The following TRIQK variants were observed in gnomAD, a reference collection of about 807,000 sequenced individuals.
TRIQK encodes the protein triple QxxK/R motif containing.
In TRIQK, 10 loss-of-function variants were observed where a neutral mutation model predicts 10.8. The observed-to-expected ratio is 0.92, with a 90% CI of 0.57 to 1.57. The LOEUF is 1.57. TRIQK is among the 40% of genes most tolerant of loss of function. The probability of loss-of-function intolerance (pLI) is 0.00; values close to 1 mark genes in which losing one functional copy is unlikely to be tolerated. For synonymous variants in TRIQK, 33 were observed against 33.7 expected (o/e 0.98, Z 0.07); for missense variants, 107 against 97.7 (o/e 1.09, Z -0.40).
chr8:92,962,889 T>C (rs951525277), intron 1 of TRIQK, among the ~76,000 whole-genome samples: 1 of 152,090 alleles, frequency 6.6e-6, no homozygotes, highest in Non-Finnish European at 1.5e-5. Context: ...GGAAAGAGAG[T>C]AGGAGTAAAA....
intron 1 of TRIQK, among the ~76,000 whole-genome samples, chr8:93,003,115 GA>G (rs1199769057): frequency 1.3e-5 from 2 of 151,984 alleles, no homozygotes; most frequent in Middle Eastern, 3.4e-3. Flanking sequence ...ACATTAAAAA[GA>G]CTATTTACTC....
chr8:92,892,982 C>T (rs895193087), intron 3 of TRIQK, among the ~76,000 whole-genome samples: 1 of 151,834 alleles, frequency 6.6e-6, no homozygotes, highest in African/African-American at 2.4e-5. Flanking sequence ...AATACATGAT[C>T]GTATAATCTC....
chr8:92,904,535 T>C (rs1423203678), intron 3 of TRIQK, among the ~76,000 whole-genome samples: 2 of 152,102 alleles, frequency 1.3e-5, no homozygotes, highest in Non-Finnish European at 1.5e-5. Context: ...TGTAGCAGAA[T>C]AATGAAGTCC....
chr8:92,889,193 A>T (rs1325126717), intron 4 of TRIQK, among the ~76,000 whole-genome samples: 1 of 151,682 alleles, frequency 6.6e-6, no homozygotes, highest in Admixed American at 6.6e-5. Context: ...CTAAACATAC[A>T]TTTACAAAAA....
intron 2 of TRIQK, among the ~76,000 whole-genome samples, chr8:92,936,679 G>A (rs1341588912): frequency 6.6e-6 from 1 of 151,476 alleles, no homozygotes; most frequent in African/African-American, 2.4e-5. Flanking sequence ...AAAGAGCATA[G>A]GGGATTGGAA....
At chr8:93,017,414 GA>G in intron 1 of TRIQK, among the ~76,000 whole-genome samples, 1 of 152,284 alleles carries the variant, frequency 6.6e-6, no homozygotes, top group East Asian at 1.9e-4. Context: ...TCTTGATATT[GA>G]AAACAGACAC....
chr8:92,932,785 T>A (rs143434472), intron 2 of TRIQK, among the ~76,000 whole-genome samples: 52 of 152,312 alleles, frequency 3.4e-4, no homozygotes, highest in African/African-American at 1.2e-3. Context: ...CATAGATATT[T>A]TTATTCAATT....
chr8:92,963,775 C>G (rs1022223494), intron 1 of TRIQK: 3 of 152,174 alleles, frequency 2.0e-5, no homozygotes, highest in Non-Finnish European at 4.4e-5. Context: ...CTCCTGTAAT[C>G]CCAGCTACTC....
intron 3 of TRIQK, among the ~76,000 whole-genome samples, chr8:92,909,616 A>G (rs1809463415): frequency 6.6e-6 from 1 of 151,828 alleles, no homozygotes; most frequent in Admixed American, 6.6e-5. Flanking sequence ...ATTTAACACC[A>G]CATTAAGTAC....
intron 2 of TRIQK, among the ~76,000 whole-genome samples, chr8:92,948,757 T>G (rs73695595): frequency 6.6e-6 from 1 of 152,228 alleles, no homozygotes; most frequent in South Asian, 2.1e-4. Context: ...AAGACAATTA[T>G]GTTAATTTGA....
chr8:92,943,673 C>A (rs1038589668), intron 2 of TRIQK, among the ~76,000 whole-genome samples: 1 of 152,020 alleles, frequency 6.6e-6, no homozygotes, highest in Non-Finnish European at 1.5e-5. Context: ...AAAAATTAAA[C>A]AAAATGAATT....
chr8:92,923,220 T>C (rs947232229), intron 2 of TRIQK, among the ~76,000 whole-genome samples: 1 of 151,908 alleles, frequency 6.6e-6, no homozygotes, highest in South Asian at 2.1e-4. Context: ...CATTCATTTC[T>C]ATTGCTTTGA....
intron 3 of TRIQK, among the ~76,000 whole-genome samples, chr8:92,904,001 C>T (rs1809105707): frequency 6.6e-6 from 1 of 152,002 alleles, no homozygotes; most frequent in African/African-American, 2.4e-5. Context: ...AATAAGATTT[C>T]ATTTGAGCCT....
intron 4 of TRIQK, among the ~76,000 whole-genome samples, chr8:92,890,620 T>C (rs1784563669): frequency 6.6e-6 from 1 of 151,800 alleles, no homozygotes; most frequent in African/African-American, 2.4e-5. Context: ...ATAAAACTGG[T>C]ATATAAATAA....
intron 1 of TRIQK, among the ~76,000 whole-genome samples, chr8:92,978,759 A>G (rs1362983121): frequency 6.6e-6 from 1 of 151,960 alleles, no homozygotes; most frequent in Non-Finnish European, 1.5e-5. Context: ...ATTTTTGCTT[A>G]CTCCTTATAT....
intron 2 of TRIQK, among the ~76,000 whole-genome samples, chr8:92,942,911 T>C (rs1016445264): frequency 1.3e-5 from 2 of 152,128 alleles, no homozygotes; most frequent in African/African-American, 4.8e-5. Context: ...CTCAGTCTGG[T>C]TGAACTCCTG....
intron 1 of TRIQK, among the ~76,000 whole-genome samples, chr8:92,998,052 T>C (rs1445906183): frequency 1.3e-5 from 2 of 151,918 alleles, no homozygotes; most frequent in Non-Finnish European, 1.5e-5. Flanking sequence ...ATATGATTAG[T>C]ATGAGAAACA....
intron 3 of TRIQK, among the ~76,000 whole-genome samples, chr8:92,901,322 C>A (rs574877961): frequency 6.6e-6 from 1 of 152,190 alleles, no homozygotes; most frequent in African/African-American, 2.4e-5. Flanking sequence ...TGTCTTGTTC[C>A]AGATCTTAGA....
At chr8:92,970,101 C>T (rs1450161390), upstream of TRIQK, among the ~76,000 whole-genome samples, 1 of 152,072 alleles carries the variant, frequency 6.6e-6, no homozygotes, top group Non-Finnish European at 1.5e-5. Flanking sequence ...GCTCCATTCA[C>T]GTTCCTGCAA....
Sources: gnomAD v4.1 joint callset for allele counts (sites outside exome capture counted in the v4.1 genomes callset) on GRCh38, gnomAD v4.1.1 for gene constraint, MANE v1.5 for transcripts, NCBI Gene and HGNC (gene_info 2026-07-23, HGNC 2026-07-21) for gene names.